Variants in HGD observed in about 807,000 individuals in gnomAD.
HGD encodes homogentisate oxidase.
In HGD, 61 loss-of-function variants were observed where a neutral mutation model predicts 60.8. The observed-to-expected ratio is 1.00, with a 90% CI of 0.82 to 1.24. The LOEUF (loss-of-function observed/expected upper bound fraction) is 1.24. Ranked by LOEUF, HGD falls within the 50% of genes most tolerant of loss-of-function variation. The pLI is 0.00. For synonymous variants in HGD, 212 were observed against 187.7 expected, an observed-to-expected ratio of 1.13 and a Z score of -1.06; for missense variants, 542 against 547.1, an observed-to-expected ratio of 0.99 and a Z score of 0.09.
chr3:120,629,479 A>G (rs1235430427), intron 13 of HGD, among the ~76,000 whole-genome samples: 1 of 152,230 alleles, frequency 6.6e-6, no homozygotes, highest in East Asian at 1.9e-4. Flanking sequence ...TTCCTGTGAC[A>G]GGCTTGATGG....
intron 11 of HGD, 128 bp from the exon 12 acceptor site, chr3:120,638,709 C>T: frequency 9.0e-7 from 1 of 1,109,798 alleles, no homozygotes; most frequent in Admixed American, 2.0e-5. Context: ...TTTTATTCAA[C>T]TTTTAATTTA....
At chr3:120,679,057 A>G (rs1708185075) in intron 1 of HGD, among the ~76,000 whole-genome samples, 1 of 152,236 alleles carries the variant, frequency 6.6e-6, no homozygotes, top group Non-Finnish European at 1.5e-5. Flanking sequence ...GAAAAATATG[A>G]TTTCATTTCT....
Position 120,641,641 on chromosome 3 carries a change from T to C in HGD, c.827A>G (p.Lys276Arg). The part of the protein sequence containing the change: ...VAWHGNYTPY[K>R]YNLKNFMVIN... Reference sequence around the variant, plus strand: ...AACCATGAAATTCTTCAGGTTGTACTTGTAGGGTGTATAATTCCCGTGCCA... The same window carrying C: ...AACCATGAAATTCTTCAGGTTGTACCTGTAGGGTGTATAATTCCCGTGCCA... Residue 276 changes from lysine to arginine, a missense_variant, in exon 11 of 14, where the codon AAG (lysine) becomes AGG (arginine). Coordinates refer to ENST00000283871, the MANE Select transcript of HGD (RefSeq NM_000187.4). 6.2e-7 allele frequency: 1 copy of C among 1,614,072 alleles called. No homozygotes were observed.
rs1285991673 is a variant in HGD at position 120,641,622 on chromosome 3, G to A, written c.846C>T (p.Phe282=). The A allele has an allele frequency of 6.2e-7, 1 of 1,613,798 alleles. No individual in the cohort carries two copies. Among genetic ancestry groups the A allele is most frequent in the East Asian group, 2.2e-5 (1 of 44,876 alleles). Reference sequence around the variant, plus strand: ...CAAAGGCCACTGAGTTGATAACCATGAAATTCTTCAGGTTGTACTTGTAGG... The same window carrying A: ...CAAAGGCCACTGAGTTGATAACCATAAAATTCTTCAGGTTGTACTTGTAGG... ...YTPYKYNLKN[F]MVINSVAFDH... is the part of the protein sequence containing the mutation. Residue 282 remains phenylalanine, a synonymous_variant, in exon 11 of 14, where the codon TTC becomes TTT. Coordinates refer to ENST00000283871, the MANE Select transcript of HGD (RefSeq NM_000187.4).
At chr3:120,653,936 T>C (rs1189057414) in intron 4 of HGD, among the ~76,000 whole-genome samples, 1 of 152,180 alleles carries the variant, frequency 6.6e-6, no homozygotes, top group African/African-American at 2.4e-5. Context: ...TCCACCAAGC[T>C]GTAACAACCA....
Position 120,682,211 on chromosome 3 carries a change from C to T in HGD, c.-100G>A, listed in dbSNP as rs547960368. 29 of 1,176,868 alleles carry T rather than the reference C, an allele frequency of 2.5e-5. No homozygotes were observed. Among genetic ancestry groups the T allele is most frequent in the South Asian group, 7.3e-5 (6 of 82,236 alleles). The allele number at this position is 1,176,868 out of a possible 1,614,324, so 72.9% of individuals were successfully genotyped here. On this transcript the variant is annotated 5_prime_UTR_variant, in exon 1 of 14. Transcript: ENST00000283871. ...CCTTCAAACCACTCTTTGGATATTC[C>T]GGTTCCCACTGCTTCACTGCGCTTC...
At chr3:120,666,772 A>T (rs1707908412) in intron 4 of HGD, among the ~76,000 whole-genome samples, 1 of 152,030 alleles carries the variant, frequency 6.6e-6, no homozygotes, top group African/African-American at 2.4e-5. Context: ...TTGGCCTCCC[A>T]AAGTGCTGGG....
At chr3:120,645,857 T>C (rs567985520) in intron 9 of HGD, among the ~76,000 whole-genome samples, 137 of 152,354 alleles carry the variant, frequency 9.0e-4, no homozygotes, top group Non-Finnish European at 1.3e-3. Flanking sequence ...TTCTCACTTA[T>C]ATGCTTTTGC....
chr3:120,634,996 T>C (rs1171190147), intron 12 of HGD, among the ~76,000 whole-genome samples: 2 of 152,266 alleles, frequency 1.3e-5, no homozygotes, highest in Non-Finnish European at 1.5e-5. Context: ...AAATTTGGTG[T>C]CAAGCTCCTT....
At position 120,641,676 on chromosome 3, in the gene HGD, A is replaced by T; in HGVS notation, c.792T>A (p.Asn264Lys). 6.2e-7 allele frequency: 1 copy of T among 1,613,042 alleles called. No individual in the cohort carries two copies. The highest frequency in any genetic ancestry group is 1.7e-5 in the Admixed American group (1 of 60,028). Reference sequence around the variant, plus strand: ...TATAATTCCCGTGCCAGGCCACAACATTGAACGGGGAGACATCCTAAACAC... The same window carrying T: ...TATAATTCCCGTGCCAGGCCACAACTTTGAACGGGGAGACATCCTAAACAC... ...FAAKQDVSPF[N>K]VVAWHGNYTP... is the part of the protein sequence containing the mutation. The change falls in exon 11 of 14, where the codon AAT (asparagine) becomes AAA (lysine). Residue 264 changes from asparagine to lysine, a missense_variant. Asn to Lys is a moderately conservative substitution (Grantham distance 94). Coordinates refer to ENST00000283871, the MANE Select transcript of HGD (RefSeq NM_000187.4).
intron 1 of HGD, among the ~76,000 whole-genome samples, chr3:120,679,848 C>T (rs548844803): frequency 6.6e-6 from 1 of 152,292 alleles, no homozygotes; most frequent in East Asian, 1.9e-4. Flanking sequence ...GACTTTAGCC[C>T]AGTGAAACCG....
At chr3:120,648,351 T>A (rs562568135) in intron 6 of HGD, among the ~76,000 whole-genome samples, 5 of 152,092 alleles carry the variant, frequency 3.3e-5, no homozygotes, top group Non-Finnish European at 5.9e-5. Context: ...AAGAAGTGAA[T>A]GAAGGCCAAT....
chr3:120,643,804 C>T (rs955141203), intron 10 of HGD, among the ~76,000 whole-genome samples: 3 of 151,954 alleles, frequency 2.0e-5, no homozygotes, highest in Non-Finnish European at 4.4e-5. Context: ...AATATCTGTG[C>T]CTTTGCTTGT....
rs120074170 is a variant in HGD, at chr3:120,638,562, A to C, written c.899T>G (p.Val300Gly). ...AGGGCGGACAGACTTAGCAGTCAAT[A>C]CTGTGAAAATGGATGGGTCCTGTGA... Reference protein sequence around the residue: ...FDHADPSIFTVLTAKSVRPGV... With the variant: ...FDHADPSIFTGLTAKSVRPGV... Residue 300 changes from valine to glycine, a missense_variant, in exon 12 of 14, where the codon GTA becomes GGA. Transcript: ENST00000283871. 4.2e-5 allele frequency: 67 copies of C among 1,613,994 alleles called. No individual in the cohort carries two copies. The highest frequency in any genetic ancestry group is 5.3e-5 in the Non-Finnish European group (62 of 1,179,930).
chr3:120,635,003 C>G (rs1011552012), intron 12 of HGD, among the ~76,000 whole-genome samples: 5 of 152,216 alleles, frequency 3.3e-5, no homozygotes, highest in African/African-American at 1.2e-4. Flanking sequence ...GTGTCAAGCT[C>G]CTTGCTCTAG....
chr3:120,660,997 A>T (rs1422077507), intron 4 of HGD, among the ~76,000 whole-genome samples: 1 of 152,212 alleles, frequency 6.6e-6, no homozygotes, highest in Admixed American at 6.5e-5. Context: ...GTTGGATGAC[A>T]TTTAATTCTC....
Position 120,633,252 on chromosome 3 carries a change from T to C in HGD, c.1083A>G (p.Gly361=). 6.2e-7 allele frequency: 1 copy of C among 1,613,762 alleles called. No individual in the cohort carries two copies. The highest frequency in any genetic ancestry group is 1.6e-4 in the Middle Eastern group (1 of 6,062). The change falls in exon 13 of 14, where the codon GGA becomes GGG. Residue 361 remains glycine, a synonymous_variant. Transcript: ENST00000283871. ...EAKQGGFLPG[G]GSLHSTMTPH... The stretch of plus-strand genomic sequence containing the variant: ...GGGTCATTGTGCTGTGTAGACTCCC[T>C]CCCCCTGGCAGGAACCCACCTTGCT...
At chr3:120,645,764 G>A (rs1941137682) in intron 9 of HGD, among the ~76,000 whole-genome samples, 1 of 152,036 alleles carries the variant, frequency 6.6e-6, no homozygotes, top group African/African-American at 2.4e-5. Context: ...TATACAATAT[G>A]CAAAACAAAA....
intron 4 of HGD, among the ~76,000 whole-genome samples, chr3:120,664,425 C>CTT (rs1707850788): frequency 2.0e-4 from 20 of 100,344 alleles, no homozygotes; most frequent in South Asian, 8.1e-4. Flanking sequence ...CTTTTTTCTT[C>CTT]CTTTTTTTTT....
Sources: allele counts gnomAD v4.1 joint callset (sites outside exome capture counted in the v4.1 genomes callset), GRCh38; gene constraint gnomAD v4.1.1; transcripts MANE v1.5; gene names NCBI Gene and HGNC (gene_info 2026-07-23, HGNC 2026-07-21).